The following GRM7 variants were observed in gnomAD, a reference collection of about 807,000 sequenced individuals.
GRM7 encodes the protein metabotropic glutamate receptor 7.
GRM7 carries 35 observed loss-of-function variants against 84.5 expected under a neutral mutation model. The observed-to-expected ratio is 0.41, with a 90% CI of 0.32 to 0.55. The LOEUF is 0.55. Among genes scored for constraint, GRM7 ranks in the 20% least tolerant of loss-of-function variants. The pLI is 0.19. For missense variants in GRM7, 1,003 were observed against 1,194.6 expected (o/e 0.84, Z 2.36); for synonymous variants, 487 against 455.1 (o/e 1.07, Z -0.89).
At chr3:7,076,687 C>G (rs1020784818) in intron 1 of GRM7, among the ~76,000 whole-genome samples, 16 of 152,076 alleles carry the variant, frequency 1.1e-4, no homozygotes, top group African/African-American at 3.9e-4. Flanking sequence ...ATGTTCCACT[C>G]TAAAGATCAC....
At chr3:7,371,678 C>T (rs571633489) in intron 4 of GRM7, among the ~76,000 whole-genome samples, 1 of 152,314 alleles carries the variant, frequency 6.6e-6, no homozygotes, top group Admixed American at 6.5e-5. Flanking sequence ...TTCTGTCTCT[C>T]TGACACCCCC....
At chr3:7,066,226 A>T (rs1349221164) in intron 1 of GRM7, among the ~76,000 whole-genome samples, 1 of 151,970 alleles carries the variant, frequency 6.6e-6, no homozygotes, top group Non-Finnish European at 1.5e-5. Flanking sequence ...ACAAAGGATA[A>T]ATGAAACAAA....
chr3:7,045,230 T>C (rs983431687), intron 1 of GRM7, among the ~76,000 whole-genome samples: 4 of 152,178 alleles, frequency 2.6e-5, no homozygotes, highest in Non-Finnish European at 5.9e-5. Context: ...GGTAGTCTAG[T>C]CAGATGTTTG....
At chr3:7,587,950 A>G (rs780999214) in intron 8 of GRM7, among the ~76,000 whole-genome samples, 1 of 152,150 alleles carries the variant, frequency 6.6e-6, no homozygotes, top group Non-Finnish European at 1.5e-5. Flanking sequence ...AACTCAGCAT[A>G]TGATTCTCCT....
chr3:6,917,990 C>T (rs1482455553), intron 1 of GRM7, among the ~76,000 whole-genome samples: 1 of 152,136 alleles, frequency 6.6e-6, no homozygotes, highest in Non-Finnish European at 1.5e-5. Flanking sequence ...AATTGATAAG[C>T]TAAGGTTTCT....
chr3:7,451,591 T>C (rs1248403297), intron 5 of GRM7, among the ~76,000 whole-genome samples: 1 of 152,040 alleles, frequency 6.6e-6, no homozygotes, highest in Non-Finnish European at 1.5e-5. Flanking sequence ...AATGTGGGCT[T>C]TGGGGTCTGA....
chr3:7,336,779 C>G (rs1701437787), intron 4 of GRM7, among the ~76,000 whole-genome samples: 1 of 151,510 alleles, frequency 6.6e-6, no homozygotes, highest in Non-Finnish European at 1.5e-5. Flanking sequence ...ATGAAGAGCT[C>G]AACCTCTTTC....
chr3:7,329,448 T>G (rs1248632267), intron 4 of GRM7, among the ~76,000 whole-genome samples: 1 of 152,144 alleles, frequency 6.6e-6, no homozygotes. Context: ...CCTGATTTAT[T>G]CTTTGTGAAT....
chr3:7,540,101 G>A (rs1692788309), intron 7 of GRM7, among the ~76,000 whole-genome samples: 1 of 152,124 alleles, frequency 6.6e-6, no homozygotes. Context: ...CAAGAATGTG[G>A]AGAAATCATA....
At chr3:7,170,718 T>C (rs1694954825) in intron 2 of GRM7, among the ~76,000 whole-genome samples, 1 of 152,230 alleles carries the variant, frequency 6.6e-6, no homozygotes, top group South Asian at 2.1e-4. Context: ...TTTACACAAA[T>C]TTGGATGCTT....
chr3:7,363,905 T>C (rs773159307), intron 4 of GRM7, among the ~76,000 whole-genome samples: 4 of 152,132 alleles, frequency 2.6e-5, no homozygotes, highest in African/African-American at 4.8e-5. Flanking sequence ...TAATTTTCTC[T>C]TCTGCAAATT....
chr3:7,465,024 G>A (rs750513183), intron 7 of GRM7, among the ~76,000 whole-genome samples: 5 of 152,070 alleles, frequency 3.3e-5, no homozygotes, highest in Admixed American at 1.3e-4. Context: ...ATTCCATTCC[G>A]TCTACTCCAA....
At chr3:7,295,358 A>C (rs953079359) in intron 2 of GRM7, among the ~76,000 whole-genome samples, 1 of 152,122 alleles carries the variant, frequency 6.6e-6, no homozygotes, top group African/African-American at 2.4e-5. Flanking sequence ...AACAGTCTAT[A>C]CTTTTTACCA....
At position 7,638,430 on chromosome 3, in the gene GRM7, A is replaced by G. The variant is rs1004836498; in HGVS notation, c.2452-41619A>G. 2.0e-5 allele frequency among the ~76,000 whole-genome samples: 3 copies of G among 152,232 alleles called. No homozygotes were observed. In the East Asian group the frequency reaches 5.8e-4, roughly 29 times the overall value. On this transcript the variant is annotated intron_variant, in intron 8 of 9. Transcript: ENST00000357716. ...CTTTTATGAAAGAGGAAGCTAAATC[A>G]TTGACTGTAAAAGATTGCTCTAGAT...
intron 5 of GRM7, among the ~76,000 whole-genome samples, chr3:7,441,951 G>C (rs759306652): frequency 5.9e-5 from 9 of 151,464 alleles, no homozygotes; most frequent in Non-Finnish European, 1.0e-4. Flanking sequence ...GGATTGCTTT[G>C]GCTATTTGGG....
chr3:7,055,181 G>A (rs533700309), intron 1 of GRM7, among the ~76,000 whole-genome samples: 1 of 151,366 alleles, frequency 6.6e-6, no homozygotes, highest in African/African-American at 2.4e-5. Context: ...CAATCTATTG[G>A]GATTTTCTTC....
intron 1 of GRM7, among the ~76,000 whole-genome samples, chr3:7,113,564 A>G (rs1446406504): frequency 6.6e-6 from 1 of 152,106 alleles, no homozygotes; most frequent in African/African-American, 2.4e-5. Flanking sequence ...ACACATCACC[A>G]TCACCCAGAG....
At chr3:6,927,463 G>A (rs968567619) in intron 1 of GRM7, among the ~76,000 whole-genome samples, 8 of 93,218 alleles carry the variant, frequency 8.6e-5, no homozygotes, top group Admixed American at 2.2e-4. Flanking sequence ...GAAAGAGAGA[G>A]AGAAAGAAAG....
At chr3:7,413,321 T>G (rs17047279) in intron 4 of GRM7, among the ~76,000 whole-genome samples, 7,085 of 152,250 alleles carry the variant, frequency 0.047, 480 homozygotes, top group African/African-American at 0.15. Flanking sequence ...CAACAAGATC[T>G]CTCTTAAAAA....
Sources: allele counts gnomAD v4.1 joint callset (sites outside exome capture counted in the v4.1 genomes callset), GRCh38; gene constraint gnomAD v4.1.1; transcripts MANE v1.5; gene names NCBI Gene and HGNC (gene_info 2026-07-23, HGNC 2026-07-21).